CEP72: variants seen among roughly 807,000 people sequenced by gnomAD.
CEP72 encodes the protein centrosomal protein of 72 kDa.
Under a neutral mutation model 65.7 loss-of-function variants are expected in CEP72, and 78 were observed. That is an observed-to-expected ratio of 1.19 (90% confidence interval 0.99 to 1.43). The LOEUF is 1.43. Among genes scored for constraint, CEP72 ranks in the 40% most tolerant of loss-of-function variants. CEP72 has a pLI of 0.00. For missense variants in CEP72, 914 were observed against 832.9 expected (o/e 1.10, Z -1.20); for synonymous variants, 358 against 351.7 (o/e 1.02, Z -0.20).
intron 1 of CEP72, 149 bp from the exon 2 acceptor site, chr5:618,841 C>G: frequency 3.0e-6 from 2 of 663,242 alleles, no homozygotes; most frequent in Non-Finnish European, 5.0e-6. Flanking sequence ...CACAGATGGC[C>G]GAGGAGAAGA....
chr5:671,149 G>A, downstream of CEP72, among the ~76,000 whole-genome samples: 1 of 152,188 alleles, frequency 6.6e-6, no homozygotes. Flanking sequence ...CTGCCTGAGG[G>A]GCCGCCTGGG....
downstream of CEP72, chr5:660,250 A>G (rs1042244238): frequency 1.3e-5 from 2 of 151,808 alleles, no homozygotes; most frequent in African/African-American, 4.8e-5. Context: ...CCTTTCTTGA[A>G]AAAAACTTAG....
chr5:670,216 G>A (rs972874497), downstream of CEP72, among the ~76,000 whole-genome samples: 27 of 152,184 alleles, frequency 1.8e-4, no homozygotes, highest in African/African-American at 1.7e-4. Context: ...CACAGGCCCC[G>A]CTGGGCTCGG....
At chr5:647,962 C>T in intron 11 of CEP72, 46 bp downstream of exon 11, 1 of 1,396,094 alleles carries the variant, frequency 7.2e-7, no homozygotes, top group Non-Finnish European at 1.0e-6. Context: ...GGAGGAGGCC[C>T]AGGTACAGGG....
chr5:669,675 G>C (rs1740128275), downstream of CEP72, among the ~76,000 whole-genome samples: 2 of 152,124 alleles, frequency 1.3e-5, no homozygotes, highest in South Asian at 4.1e-4. Flanking sequence ...GGATGGCTGA[G>C]GGGCTCCCCC....
At position 653,223 on chromosome 5, in the gene CEP72, C is replaced by T. The variant is rs996397257; in HGVS notation, c.*70C>T. On this transcript the variant is annotated 3_prime_UTR_variant, in exon 12 of 12. Transcript: ENST00000264935. Reference sequence around the variant, plus strand: ...TTACATTGTCTGCACCTTTGTACTTCTTTATTGAGTGTACTGGCTGGCAAG... The same window carrying T: ...TTACATTGTCTGCACCTTTGTACTTTTTTATTGAGTGTACTGGCTGGCAAG... The T allele has an allele frequency of 5.7e-6, 8 of 1,403,642 alleles. No individual in the cohort carries two copies. Among genetic ancestry groups the T allele is most frequent in the Admixed American group, 2.6e-5 (1 of 38,182 alleles). 86.9% of individuals were successfully genotyped at this position (1,403,642 alleles called of 1,614,324 possible).
chr5:632,727 G>C (rs1258939139), intron 4 of CEP72, among the ~76,000 whole-genome samples: 8 of 30,224 alleles, frequency 2.6e-4, no homozygotes, highest in Non-Finnish European at 2.0e-4. Flanking sequence ...ATCCAGTGCC[G>C]GGATTTGGCC....
In CEP72 at chr5:624,386, AC is replaced by A; in HGVS notation, c.404-82del. The A allele has an allele frequency of 1.1e-6, 1 of 904,708 alleles. No homozygotes were observed. Among genetic ancestry groups the A allele is most frequent in the South Asian group, 1.4e-5 (1 of 72,572 alleles). The allele number at this position is 904,708 out of a possible 1,614,324, so 56.0% of individuals were successfully genotyped here. A position where few individuals can be genotyped will look rare whatever the true frequency, so the allele number is the denominator to read the frequency against. On this transcript the variant is annotated intron_variant, in intron 3 of 11. Transcript: ENST00000264935. The surrounding 1 kb of genome is among the most constrained non-coding windows in gnomAD (Gnocchi z 4.7). The stretch of plus-strand genomic sequence containing the variant: ...CAGGGCTGGCCCCGAGGGGATGGAC[AC>A]CCTGCCCCGTGTAGATGCCCCAGGG...
At chr5:622,835 G>A (rs569460639) in intron 3 of CEP72, among the ~76,000 whole-genome samples, 4 of 152,348 alleles carry the variant, frequency 2.6e-5, no homozygotes, top group Admixed American at 2.0e-4. Flanking sequence ...AGGAATAGGC[G>A]CCTGTTTTAT....
intron 11 of CEP72, among the ~76,000 whole-genome samples, chr5:650,288 G>T (rs1738912152): frequency 2.0e-5 from 2 of 99,932 alleles, no homozygotes; most frequent in Admixed American, 1.1e-4. Flanking sequence ...AGGTGTGACT[G>T]TGAGGTGTGA....
chr5:622,759 C>G (rs1260997506), intron 3 of CEP72, among the ~76,000 whole-genome samples: 3 of 149,610 alleles, frequency 2.0e-5, no homozygotes, highest in Admixed American at 6.6e-5. Context: ...AATGGACCCC[C>G]CCAAGACACA....
rs1360521264 is a variant in CEP72 at position 645,954 on chromosome 5, C to T, written c.1666+1529C>T. 6.6e-6 allele frequency among the ~76,000 whole-genome samples: 1 copy of T among 151,558 alleles called. No homozygotes were observed. Among genetic ancestry groups the T allele is most frequent in the Admixed American group, 6.6e-5 (1 of 15,216 alleles). ...ACACTGTGTGAGCGTCACTCCTGCT[C>T]CCGTTGGCGCCCTGTGTGGATGGTG... On this transcript the variant is annotated intron_variant, in intron 10 of 11. Coordinates refer to ENST00000264935, the MANE Select transcript of CEP72 (RefSeq NM_018140.4). The surrounding 1 kb of genome is among the most constrained non-coding windows in gnomAD (Gnocchi z 4.0).
At chr5:649,263 T>G (rs1158181253) in intron 11 of CEP72, among the ~76,000 whole-genome samples, 1 of 77,556 alleles carries the variant, frequency 1.3e-5, no homozygotes, top group African/African-American at 6.7e-5. Flanking sequence ...GACTGTGAGG[T>G]GTGACTGTGA....
downstream of CEP72, among the ~76,000 whole-genome samples, chr5:667,806 CCCA>C (rs1739985763): frequency 7.1e-6 from 1 of 140,314 alleles, no homozygotes; most frequent in African/African-American, 2.7e-5. Context: ...CCGCGTGGGC[CCCA>C]TCAGGGAAGT....
chr5:675,333 G>GCA, the CEP72 span, among the ~76,000 whole-genome samples: 1 of 108,516 alleles, frequency 9.2e-6, no homozygotes, highest in Admixed American at 9.3e-5. Flanking sequence ...CGGGGGTGCA[G>GCA]TGTGGCTGGG....
chr5:624,689 C>A lies in CEP72; in HGVS notation c.512+110C>A. The A allele has an allele frequency of 1.2e-6, 1 of 805,474 alleles. No individual in the cohort carries two copies. Among genetic ancestry groups the A allele is most frequent in the South Asian group, 1.5e-5 (1 of 66,884 alleles). The allele number at this position is 805,474 out of a possible 1,614,324, so 49.9% of individuals were successfully genotyped here. Reference sequence around the variant, plus strand: ...GCCGGTCACTCTCCAGGGGCGGACACCAGGAGGGAGGAAGGGCAGAGCCTG... The same window carrying A: ...GCCGGTCACTCTCCAGGGGCGGACAACAGGAGGGAGGAAGGGCAGAGCCTG... On this transcript the variant is annotated intron_variant, in intron 4 of 11. Coordinates refer to ENST00000264935, the MANE Select transcript of CEP72 (RefSeq NM_018140.4). This position sits in a 1 kb window ranked among gnomAD's most constrained non-coding sequence, Gnocchi z 4.7.
intron 4 of CEP72, among the ~76,000 whole-genome samples, chr5:628,558 C>T (rs35294978): frequency 4.8e-3 from 567 of 116,994 alleles, no homozygotes; most frequent in African/African-American, 0.014. Flanking sequence ...TTGCAGTCCC[C>T]GGGGAGTGTT....
chr5:616,039 T>A (rs191856769), intron 1 of CEP72, among the ~76,000 whole-genome samples: 8 of 152,346 alleles, frequency 5.3e-5, no homozygotes, highest in East Asian at 3.9e-4. Flanking sequence ...TGATTTTTTT[T>A]AAATACCTAG....
rs73734343 is a variant in CEP72 at position 642,740 on chromosome 5, C to G, written c.1540-1559C>G. On this transcript the variant is annotated intron_variant, in intron 9 of 11. Coordinates refer to ENST00000264935, the MANE Select transcript of CEP72 (RefSeq NM_018140.4). ...GAAGAATCTGGCAGCCCGAGCCCCG[C>G]GGGTAAGGAGCAGTCAGCACCGTCA... The G allele has an allele frequency of 3.9e-4, 381 of 985,236 alleles. 1 individual carries two copies. The highest frequency in any genetic ancestry group is 4.5e-4 in the Non-Finnish European group (374 of 829,832). 61.0% of individuals were successfully genotyped at this position (985,236 alleles called of 1,614,324 possible). A position where few individuals can be genotyped will look rare whatever the true frequency, so the allele number is the denominator to read the frequency against.
Sources: gnomAD v4.1 joint callset for allele counts (sites outside exome capture counted in the v4.1 genomes callset) on GRCh38, gnomAD v4.1.1 for gene constraint, Gnocchi (gnomAD v3.1) non-coding constraint, MANE v1.5 for transcripts, NCBI Gene and HGNC (gene_info 2026-07-23, HGNC 2026-07-21) for gene names.